Variants in PSD3 observed in about 807,000 individuals in gnomAD.
PSD3 encodes the protein pleckstrin and Sec7 domain containing 3.
In PSD3, 49 loss-of-function variants were observed where a neutral mutation model predicts 105.5. That is an observed-to-expected ratio of 0.46 (90% CI 0.37 to 0.59). The LOEUF is 0.59. PSD3 is among the 20% of genes least tolerant of loss of function. PSD3 has a pLI of 0.00. For missense variants in PSD3, 1,561 were observed against 1,263.8 expected, an observed-to-expected ratio of 1.24 and a Z score of -3.57; for synonymous variants, 557 against 457.8, an observed-to-expected ratio of 1.22 and a Z score of -2.77.
chr8:18,951,296 G>C lies in PSD3; in HGVS notation c.22-15154C>G, dbSNP rs575966653. 3.9e-4 allele frequency among the ~76,000 whole-genome samples: 59 copies of C among 152,270 alleles called. No homozygotes were observed. The South Asian group carries it at 0.012, about 30-fold the overall frequency. ...TGTAACCTGTAGTCCCTGCTACTCA[G>C]GGGGCTGAGCAGGGAGAATCGCTTG... On this transcript the variant is annotated intron_variant, in intron 1 of 15. Transcript: ENST00000327040.
intron 9 of PSD3, among the ~76,000 whole-genome samples, chr8:18,757,716 C>G (rs1806173774): frequency 6.6e-6 from 1 of 152,188 alleles, no homozygotes; most frequent in South Asian, 2.1e-4. Flanking sequence ...TTCCACTTTC[C>G]TAAACAATTC....
chr8:18,946,637 C>A (rs1007098081), intron 1 of PSD3, among the ~76,000 whole-genome samples: 8 of 151,578 alleles, frequency 5.3e-5, no homozygotes, highest in African/African-American at 1.7e-4. Flanking sequence ...CGGTGGCTCA[C>A]GCCTGTAATC....
intron 1 of PSD3, among the ~76,000 whole-genome samples, chr8:18,983,825 G>A (rs1385648330): frequency 3.3e-5 from 5 of 151,250 alleles, no homozygotes; most frequent in African/African-American, 7.3e-5. Flanking sequence ...ATAGCCAGAC[G>A]CCGTCTCTAC....
chr8:18,913,036 A>G (rs542989421), intron 2 of PSD3, among the ~76,000 whole-genome samples: 6 of 151,838 alleles, frequency 4.0e-5, no homozygotes, highest in African/African-American at 1.4e-4. Flanking sequence ...ATCATTAAAA[A>G]AAAAATCTGG....
intron 4 of PSD3, among the ~76,000 whole-genome samples, chr8:18,818,687 C>G (rs1482995705): frequency 6.7e-6 from 1 of 149,754 alleles, no homozygotes; most frequent in Non-Finnish European, 1.5e-5. Context: ...CTCCATACCC[C>G]CCCCAACAAC....
At chr8:18,592,902 G>C (rs1024724709) in intron 12 of PSD3, among the ~76,000 whole-genome samples, 35 of 152,096 alleles carry the variant, frequency 2.3e-4, no homozygotes, top group Non-Finnish European at 2.5e-4. Context: ...AATGGTGCTG[G>C]GAAAACTGGC....
At chr8:18,598,600 T>A (rs538429471) in intron 12 of PSD3, among the ~76,000 whole-genome samples, 1 of 152,130 alleles carries the variant, frequency 6.6e-6, no homozygotes, top group Non-Finnish European at 1.5e-5. Flanking sequence ...TATCCTTTCA[T>A]GATTTGAAAA....
At chr8:18,889,642 C>T (rs1057243078) in intron 2 of PSD3, among the ~76,000 whole-genome samples, 6 of 152,178 alleles carry the variant, frequency 3.9e-5, no homozygotes, top group African/African-American at 9.6e-5. Context: ...CTCCCATCTC[C>T]GGCTCCCATC....
chr8:18,536,781 A>T (rs906255305), intron 15 of PSD3, among the ~76,000 whole-genome samples: 2 of 151,566 alleles, frequency 1.3e-5, no homozygotes, highest in Admixed American at 6.6e-5. Flanking sequence ...TTTCTATCCC[A>T]ATCAATATAT....
chr8:18,616,693 G>A lies in PSD3; in HGVS notation c.2410+15920C>T, dbSNP rs1200960290. Among the ~76,000 whole-genome samples the A allele has an allele frequency of 4.9e-5, 7 of 142,944 alleles. No homozygotes were observed. In the East Asian group the frequency reaches 8.1e-4, roughly 17 times the overall value. 93.8% of individuals were successfully genotyped at this position (142,944 alleles called of 152,430 possible). On this transcript the variant is annotated intron_variant, in intron 11 of 15. Coordinates refer to ENST00000327040, the MANE Select transcript of PSD3 (RefSeq NM_015310.4). ...GGCTGGAGTGCAGTGGCGGGATCTC[G>A]GCTCACTGCAAGCTCCGCCTCCCGG...
At chr8:18,554,743 G>C (rs1800967074) in intron 15 of PSD3, among the ~76,000 whole-genome samples, 1 of 152,088 alleles carries the variant, frequency 6.6e-6, no homozygotes, top group Non-Finnish European at 1.5e-5. Context: ...AAAGACAGAT[G>C]AAAATAACTT....
At chr8:18,861,510 T>C (rs17127352) in intron 4 of PSD3, among the ~76,000 whole-genome samples, 13,175 of 152,096 alleles carry the variant, frequency 0.087, 709 homozygotes, top group African/African-American at 0.15. Flanking sequence ...TCCTCCAATT[T>C]GACCTCTTTA....
At chr8:18,548,605 G>A (rs961829619) in intron 15 of PSD3, among the ~76,000 whole-genome samples, 4 of 152,182 alleles carry the variant, frequency 2.6e-5, no homozygotes, top group Non-Finnish European at 5.9e-5. Context: ...GCTGAGTGCT[G>A]AGAGCCTCCC....
intron 1 of PSD3, among the ~76,000 whole-genome samples, chr8:19,007,241 G>C (rs1348698196): frequency 7.2e-6 from 1 of 139,612 alleles, no homozygotes; most frequent in African/African-American, 2.5e-5. Context: ...GACAGAGTGA[G>C]ACCCTGTCTC....
chr8:18,563,485 G>C (rs1801529901), intron 14 of PSD3, among the ~76,000 whole-genome samples: 1 of 152,214 alleles, frequency 6.6e-6, no homozygotes, highest in East Asian at 1.9e-4. Flanking sequence ...CTAAACACTG[G>C]AAACTGTTCA....
chr8:18,601,955 C>A (rs1409280953), intron 11 of PSD3, among the ~76,000 whole-genome samples: 1 of 152,136 alleles, frequency 6.6e-6, no homozygotes, highest in African/African-American at 2.4e-5. Context: ...CACAATCTCA[C>A]CTGGTCTGAA....
intron 2 of PSD3, among the ~76,000 whole-genome samples, chr8:18,884,606 T>A (rs1818334166): frequency 6.7e-6 from 1 of 150,348 alleles, no homozygotes; most frequent in Admixed American, 6.7e-5. Flanking sequence ...ATATTTAAGT[T>A]GTTTATGTGT....
At chr8:18,816,730 C>G (rs192590619) in intron 4 of PSD3, among the ~76,000 whole-genome samples, 1 of 152,172 alleles carries the variant, frequency 6.6e-6, no homozygotes, top group African/African-American at 2.4e-5. Flanking sequence ...TCCCTCTGTT[C>G]CTGCCTTTCA....
chr8:18,941,837 T>C (rs1259605164), intron 1 of PSD3, among the ~76,000 whole-genome samples: 1 of 144,222 alleles, frequency 6.9e-6, no homozygotes, highest in Middle Eastern at 3.3e-3. Context: ...CATGCCTGGC[T>C]AATTTTTGTA....
Sources: gnomAD v4.1 joint callset for allele counts (sites outside exome capture counted in the v4.1 genomes callset) on GRCh38, gnomAD v4.1.1 for gene constraint, MANE v1.5 for transcripts, NCBI Gene and HGNC (gene_info 2026-07-23, HGNC 2026-07-21) for gene names.